CFAP251: variants seen among roughly 807,000 people sequenced by gnomAD.
CFAP251 encodes the protein cilia- and flagella-associated protein 251.
A neutral mutation model predicts 126.7 loss-of-function variants in CFAP251; 93 were observed. The observed-to-expected ratio is 0.73, with a 90% CI of 0.62 to 0.87. CFAP251 has a LOEUF of 0.87. Ranked by LOEUF, CFAP251 falls within the 40% of genes least tolerant of loss-of-function variation. The pLI, the probability that CFAP251 is intolerant of heterozygous loss-of-function variation, is 0.00. For synonymous variants in CFAP251, 503 were observed against 506.9 expected (o/e 0.99, Z 0.10); for missense variants, 1,287 against 1,389.2 (o/e 0.93, Z 1.17).
At chr12:121,953,668 A>T (rs1338922650) in intron 9 of CFAP251, 1 of 160,058 alleles carries the variant, frequency 6.2e-6, no homozygotes, top group Non-Finnish European at 1.4e-5. Context: ...GGCAGCATAG[A>T]GAATAGGGCA....
intron 10 of CFAP251, among the ~76,000 whole-genome samples, 163 bp from the exon 11 acceptor site, chr12:121,956,911 C>T (rs1881745715): frequency 6.6e-6 from 1 of 152,096 alleles, no homozygotes; most frequent in Admixed American, 6.6e-5. Flanking sequence ...AAGTTAGTTT[C>T]CTAGATGTAA....
chr12:121,961,130 C>G (rs1881919307), intron 14 of CFAP251, among the ~76,000 whole-genome samples: 1 of 152,090 alleles, frequency 6.6e-6, no homozygotes, highest in South Asian at 2.1e-4. Context: ...AATGTGAAAA[C>G]TAGGAGAGGT....
At chr12:121,968,322 T>C (rs1397527421) in intron 17 of CFAP251, among the ~76,000 whole-genome samples, 153 bp downstream of exon 17, 1 of 152,166 alleles carries the variant, frequency 6.6e-6, no homozygotes, top group African/African-American at 2.4e-5. Context: ...TTGCTCACAT[T>C]ACTCTGCAGA....
Position 121,957,103 on chromosome 12 carries a change from A to G in CFAP251, c.1565A>G (p.Asn522Ser). Residue 522 changes from asparagine to serine, a missense_variant, in exon 11 of 22, where the codon AAC becomes AGC. Transcript: ENST00000288912. ...ATTGTCACAGGTGACATTAAGGGGA[A>G]CATTAAGTTCTATGATCACACCCTG... ...SYIVTGDIKGNIKFYDHTLSI... is the reference protein window; with the variant it reads ...SYIVTGDIKGSIKFYDHTLSI... The G allele has an allele frequency of 6.2e-7, 1 of 1,603,456 alleles. No individual in the cohort carries two copies.
chr12:121,957,291 C>G, intron 11 of CFAP251, 23 bp downstream of exon 11: 6 of 1,585,486 alleles, frequency 3.8e-6, no homozygotes, highest in Non-Finnish European at 5.1e-6. Context: ...TGAATCTAGT[C>G]ATTAGAATGG....
At chr12:121,981,883 C>G (rs1436983788) in intron 19 of CFAP251, among the ~76,000 whole-genome samples, 2 of 147,322 alleles carry the variant, frequency 1.4e-5, no homozygotes, top group East Asian at 4.0e-4. Context: ...CCTCAGTTTC[C>G]TCATCTACAA....
intron 19 of CFAP251, among the ~76,000 whole-genome samples, chr12:121,980,045 G>A (rs998641075): frequency 3.9e-5 from 6 of 152,292 alleles, no homozygotes; most frequent in South Asian, 4.1e-4. Context: ...GTCTCCCTCC[G>A]TGTCCGGCCC....
intron 5 of CFAP251, among the ~76,000 whole-genome samples, chr12:121,941,647 T>C (rs1336973385): frequency 6.6e-6 from 1 of 152,202 alleles, no homozygotes; most frequent in Non-Finnish European, 1.5e-5. Flanking sequence ...TTTCTTATCA[T>C]ATGGTTATGC....
chr12:121,968,025 C>T lies in CFAP251; in HGVS notation c.2627C>T (p.Pro876Leu). The change falls in exon 17 of 22, where the codon CCA (proline) becomes CTA (leucine). Residue 876 changes from proline (P) to leucine (L), a missense_variant. Coordinates refer to ENST00000288912, the MANE Select transcript of CFAP251 (RefSeq NM_144668.6). ...NRDKVGLQIL[P>L]VDGNPHKTSA... is the part of the protein sequence containing the mutation. ...TTCTAGGTGGGACTTCAGATCTTAC[C>T]AGTTGACGGCAATCCACATAAGACA... is the stretch of plus-strand genomic sequence containing the variant. The T allele has an allele frequency of 6.2e-7, 1 of 1,606,594 alleles. No homozygotes were observed. The highest frequency in any genetic ancestry group is 8.5e-7 in the Non-Finnish European group (1 of 1,174,018).
At chr12:121,975,190 G>T in intron 17 of CFAP251, 54 bp from the exon 18 acceptor site, 1 of 1,507,774 alleles carries the variant, frequency 6.6e-7, no homozygotes, top group South Asian at 1.1e-5. Flanking sequence ...CACCTTCTGA[G>T]CCATGCTCAT....
At chr12:121,961,246 C>T (rs1327927069) in intron 14 of CFAP251, among the ~76,000 whole-genome samples, 1 of 151,064 alleles carries the variant, frequency 6.6e-6, no homozygotes, top group Non-Finnish European at 1.5e-5. Flanking sequence ...TTCCTCCCTC[C>T]CTCCCTCCTT....
At chr12:122,001,388 A>T (rs1048699645) in intron 20 of CFAP251, 109 bp from the exon 21 acceptor site, 12 of 1,096,690 alleles carry the variant, frequency 1.1e-5, no homozygotes, top group African/African-American at 4.7e-5. Flanking sequence ...AAAAGAAAAA[A>T]AAATAGTGGG....
chr12:121,929,012 A>C (rs1047808846), intron 3 of CFAP251, among the ~76,000 whole-genome samples: 5 of 151,680 alleles, frequency 3.3e-5, no homozygotes, highest in Non-Finnish European at 7.4e-5. Context: ...TTTATTTTTG[A>C]GCAGTTTTAG....
intron 14 of CFAP251, among the ~76,000 whole-genome samples, chr12:121,961,475 T>A (rs912682419): frequency 2.6e-5 from 4 of 152,172 alleles, no homozygotes; most frequent in African/African-American, 9.7e-5. Context: ...GTTCAGTGGC[T>A]ACTGATTTGT....
chr12:121,987,170 C>T (rs1882769828), intron 19 of CFAP251, among the ~76,000 whole-genome samples: 1 of 152,138 alleles, frequency 6.6e-6, no homozygotes, highest in Admixed American at 6.5e-5. Flanking sequence ...TGAAGAGAAG[C>T]CCTCAGTATG....
At chr12:121,956,925 G>T in intron 10 of CFAP251, 149 bp from the exon 11 acceptor site, 1 of 551,752 alleles carries the variant, frequency 1.8e-6, no homozygotes, top group Non-Finnish European at 2.9e-6. Context: ...GATGTAAATT[G>T]GGATAACAGT....
chr12:121,970,565 A>C (rs147215923), intron 17 of CFAP251, among the ~76,000 whole-genome samples: 234 of 152,322 alleles, frequency 1.5e-3, no homozygotes, highest in African/African-American at 5.1e-3. Context: ...GCTGAGCTTT[A>C]GCTCCTTTCC....
At chr12:121,965,838 G>A (rs1367407242) in intron 15 of CFAP251, among the ~76,000 whole-genome samples, 2 of 60,472 alleles carry the variant, frequency 3.3e-5, no homozygotes, top group African/African-American at 1.3e-4. Flanking sequence ...TTTTTTTTTT[G>A]AGGCAGGGTC....
chr12:121,984,016 G>A (rs140478535), intron 19 of CFAP251, among the ~76,000 whole-genome samples: 1 of 152,122 alleles, frequency 6.6e-6, no homozygotes, highest in Non-Finnish European at 1.5e-5. Flanking sequence ...TGGAGTATAC[G>A]CCTCACTACT....
Sources: gnomAD v4.1 joint callset for allele counts (sites outside exome capture counted in the v4.1 genomes callset) on GRCh38, gnomAD v4.1.1 for gene constraint, MANE v1.5 for transcripts, NCBI Gene and HGNC (gene_info 2026-07-23, HGNC 2026-07-21) for gene names.